CACNA1I: variants seen among roughly 807,000 people sequenced by gnomAD.
CACNA1I encodes calcium voltage-gated channel subunit alpha1 I.
A neutral mutation model predicts 201.6 loss-of-function variants in CACNA1I; 74 were observed. That is an observed-to-expected ratio of 0.37 (90% CI 0.30 to 0.45). The LOEUF is 0.45. CACNA1I is among the 20% of genes least tolerant of loss of function. CACNA1I has a pLI of 1.00. For missense variants in CACNA1I, 2,346 were observed against 3,138.1 expected (o/e 0.75, Z 6.03); for synonymous variants, 1,431 against 1,345.2 (o/e 1.06, Z -1.40).
At chr22:39,618,922 T>A (rs1242794179) in intron 3 of CACNA1I, among the ~76,000 whole-genome samples, 3 of 151,884 alleles carry the variant, frequency 2.0e-5, no homozygotes, top group South Asian at 2.1e-4. Context: ...GGATGTGGGG[T>A]GTGGAGCCGT....
Position 39,600,612 on chromosome 22 carries a change from G to T in CACNA1I, c.441G>T (p.Gly147=). Residue 147 remains glycine (G), a synonymous_variant, in exon 3 of 37, where the codon GGG becomes GGT. Transcript: ENST00000402142. ...LGIFGKKCYL[G]DTWNRLDFFI... is the part of the protein sequence containing the mutation. ...TTTTTGGCAAGAAGTGCTACCTCGG[G>T]GACACATGGAACCGCCTGGATTTCT... 6.2e-7 allele frequency: 1 copy of T among 1,609,336 alleles called. No homozygotes were observed. The highest frequency in any genetic ancestry group is 1.1e-5 in the South Asian group (1 of 89,896).
At chr22:39,577,606 G>C (rs944602858) in intron 1 of CACNA1I, among the ~76,000 whole-genome samples, 15 of 152,268 alleles carry the variant, frequency 9.9e-5, no homozygotes, top group African/African-American at 3.6e-4. Flanking sequence ...CCTGGACTGC[G>C]CGGAGCACAG....
At chr22:39,592,904 A>C (rs1183455215) in intron 1 of CACNA1I, among the ~76,000 whole-genome samples, 1 of 152,158 alleles carries the variant, frequency 6.6e-6, no homozygotes, top group East Asian at 1.9e-4. Flanking sequence ...TTTAACTTCA[A>C]GGAGGGCTGG....
intron 3 of CACNA1I, among the ~76,000 whole-genome samples, chr22:39,611,431 G>T (rs1358607815): frequency 1.3e-5 from 2 of 152,082 alleles, no homozygotes; most frequent in African/African-American, 4.8e-5. Flanking sequence ...AATATAAGCC[G>T]TTGATTTGCC....
At chr22:39,622,203 G>A (rs1376642668) in intron 4 of CACNA1I, among the ~76,000 whole-genome samples, 1 of 152,216 alleles carries the variant, frequency 6.6e-6, no homozygotes, top group Non-Finnish European at 1.5e-5. Context: ...AGACACGTGT[G>A]AAATGGACAC....
At chr22:39,611,289 C>A (rs1465256511) in intron 3 of CACNA1I, among the ~76,000 whole-genome samples, 1 of 152,170 alleles carries the variant, frequency 6.6e-6, no homozygotes, top group African/African-American at 2.4e-5. Flanking sequence ...AATGGAGTGT[C>A]AGAGAGATTG....
chr22:39,661,340 C>A (rs376490928), intron 16 of CACNA1I, 30 bp downstream of exon 16: 1 of 1,493,726 alleles, frequency 6.7e-7, no homozygotes. Context: ...TCTGGACGGG[C>A]GCTTCCTGCT....
intron 10 of CACNA1I, among the ~76,000 whole-genome samples, chr22:39,650,171 T>C (rs136829): frequency 0.17 from 26,367 of 152,028 alleles, 2,401 homozygotes; most frequent in Middle Eastern, 0.25. Flanking sequence ...TGGCTAGGAC[T>C]GGGCCTCTCC....
chr22:39,649,908 A>C lies in CACNA1I; in HGVS notation c.1975A>C (p.Ile659Leu). The part of the protein sequence containing the change: ...AILVNTVSMG[I>L]EHHEQPEELT... ...CCTGGTCAACACCGTCAGCATGGGC[A>C]TCGAGCACCACGAGCAGGCCAGTGC... Residue 659 changes from isoleucine (I) to leucine (L), a missense_variant, in exon 10 of 37, where the codon ATC becomes CTC. This residue lies in a region of CACNA1I where 155 missense variants were observed against 300.8 expected (regional missense o/e 0.52). Transcript: ENST00000402142. The surrounding 1 kb of genome is among the most constrained non-coding windows in gnomAD (Gnocchi z 7.3). 6.2e-7 allele frequency: 1 copy of C among 1,613,168 alleles called. No individual in the cohort carries two copies. Among genetic ancestry groups the C allele is most frequent in the Non-Finnish European group, 8.5e-7 (1 of 1,179,666 alleles).
intron 4 of CACNA1I, among the ~76,000 whole-genome samples, chr22:39,623,353 T>C (rs900261661): frequency 2.0e-5 from 3 of 151,666 alleles, no homozygotes; most frequent in Non-Finnish European, 4.4e-5. Flanking sequence ...AATGTGTGCA[T>C]CTGAGGATGT....
intron 3 of CACNA1I, among the ~76,000 whole-genome samples, chr22:39,615,883 T>C (rs1369632899): frequency 6.6e-6 from 1 of 152,228 alleles, no homozygotes; most frequent in Non-Finnish European, 1.5e-5. Context: ...AGTGTCAAGA[T>C]CTTTCATGCT....
chr22:39,671,666 A>G (rs568264862), intron 26 of CACNA1I, among the ~76,000 whole-genome samples: 2 of 152,364 alleles, frequency 1.3e-5, no homozygotes, highest in East Asian at 1.9e-4. Flanking sequence ...ACCTTATTTC[A>G]AATGATGGGA....
chr22:39,604,368 G>A (rs543470581), intron 3 of CACNA1I, among the ~76,000 whole-genome samples: 2 of 152,172 alleles, frequency 1.3e-5, no homozygotes, highest in African/African-American at 4.8e-5. Context: ...TGGATGAGGC[G>A]AGGTCTGCAG....
intron 20 of CACNA1I, among the ~76,000 whole-genome samples, 152 bp from the exon 21 acceptor site, chr22:39,664,587 C>T (rs964232692): frequency 6.6e-6 from 1 of 152,020 alleles, no homozygotes; most frequent in Non-Finnish European, 1.5e-5. Context: ...CTGAACCCTC[C>T]CCTTCCCTTC....
Position 39,662,768 on chromosome 22 carries a change from C to A in CACNA1I, c.3373-8C>A. The stretch of plus-strand genomic sequence containing the variant: ...CTGACCCCCGGCGCTCCGTCCTCCT[C>A]TTGCTAGACCCTGTGCTTCCGCGTC... On this transcript the variant is annotated splice_region_variant and splice_polypyrimidine_tract_variant and intron_variant, in intron 17 of 36. Coordinates refer to ENST00000402142, the MANE Select transcript of CACNA1I (RefSeq NM_021096.4). 1 of 1,565,166 alleles carries A rather than the reference C, an allele frequency of 6.4e-7. No individual in the cohort carries two copies. The highest frequency in any genetic ancestry group is 2.4e-5 in the East Asian group (1 of 42,004).
intron 17 of CACNA1I, 38 bp from the exon 18 acceptor site, chr22:39,662,738 C>T: frequency 2.1e-6 from 3 of 1,417,398 alleles, no homozygotes; most frequent in Non-Finnish European, 2.9e-6. Context: ...CAACCCTGCG[C>T]ATCGCTGACC....
chr22:39,601,931 TG>T (rs1933060900), intron 3 of CACNA1I, among the ~76,000 whole-genome samples: 6 of 35,774 alleles, frequency 1.7e-4, no homozygotes, highest in African/African-American at 8.2e-4. Flanking sequence ...CCTTCCTTCC[TG>T]CCTTCCTTCC....
intron 5 of CACNA1I, among the ~76,000 whole-genome samples, chr22:39,640,222 CT>C (rs1934318164): frequency 1.3e-5 from 2 of 152,110 alleles, no homozygotes; most frequent in East Asian, 1.9e-4. Context: ...AACCCCATCT[CT>C]ACTAAAAAAA....
intron 3 of CACNA1I, 28 bp from the exon 4 acceptor site, chr22:39,619,282 T>G: frequency 5.1e-6 from 8 of 1,559,704 alleles, no homozygotes; most frequent in Non-Finnish European, 4.4e-6. Context: ...TCCAGCACCA[T>G]CCCTCACTCT....
Sources: gnomAD v4.1 joint callset for allele counts (sites outside exome capture counted in the v4.1 genomes callset) on GRCh38, gnomAD v4.1.1 for gene constraint, gnomAD v4.1.1 regional missense constraint, Gnocchi (gnomAD v3.1) non-coding constraint, MANE v1.5 for transcripts, NCBI Gene and HGNC (gene_info 2026-07-23, HGNC 2026-07-21) for gene names.